RFX3: variants seen among roughly 807,000 people sequenced by gnomAD.
RFX3 encodes the protein regulatory factor X3.
Under a neutral mutation model 98.6 loss-of-function variants are expected in RFX3, and 14 were observed. The observed-to-expected ratio is 0.14, with a 90% confidence interval of 0.09 to 0.22. RFX3 has a LOEUF of 0.22. RFX3 is among the 10% of genes least tolerant of loss of function. The pLI is 1.00. For missense variants in RFX3, 639 were observed against 926.9 expected (o/e 0.69, Z 4.03); for synonymous variants, 383 against 328.4 (o/e 1.17, Z -1.80).
At chr9:3,480,281 T>A (rs934064117) in intron 1 of RFX3, among the ~76,000 whole-genome samples, 2 of 152,222 alleles carry the variant, frequency 1.3e-5, no homozygotes, top group Non-Finnish European at 2.9e-5. Flanking sequence ...TCTCTCTCCA[T>A]GTAATCTCAG....
intron 1 of RFX3, among the ~76,000 whole-genome samples, chr9:3,430,034 A>G (rs531107312): frequency 6.6e-6 from 1 of 152,336 alleles, no homozygotes; most frequent in South Asian, 2.1e-4. Flanking sequence ...GTTACTTATC[A>G]GTCATAGCTG....
At chr9:3,279,209 C>A (rs558789308) in intron 7 of RFX3, among the ~76,000 whole-genome samples, 1 of 151,778 alleles carries the variant, frequency 6.6e-6, no homozygotes, top group Admixed American at 6.6e-5. Flanking sequence ...ATGATTTTAA[C>A]CTTATTTTGT....
chr9:3,457,291 T>A (rs1244143918), intron 1 of RFX3, among the ~76,000 whole-genome samples: 1 of 152,076 alleles, frequency 6.6e-6, no homozygotes, highest in Non-Finnish European at 1.5e-5. Flanking sequence ...TTTTCTGGCA[T>A]CTCTGTTACT....
intron 2 of RFX3, among the ~76,000 whole-genome samples, chr9:3,366,788 G>A (rs535356330): frequency 1.3e-4 from 16 of 125,582 alleles, no homozygotes; most frequent in African/African-American, 4.7e-4. Context: ...AAGTCATCTG[G>A]GTGTTTCAGT....
chr9:3,238,117 T>A (rs1819422401), intron 15 of RFX3, among the ~76,000 whole-genome samples: 1 of 152,236 alleles, frequency 6.6e-6, no homozygotes, highest in South Asian at 2.1e-4. Context: ...GCTTCTACCG[T>A]GTCACATTAT....
At chr9:3,363,918 C>G (rs2920357) in intron 2 of RFX3, among the ~76,000 whole-genome samples, 9 of 152,376 alleles carry the variant, frequency 5.9e-5, no homozygotes, top group African/African-American at 2.2e-4. Flanking sequence ...CTTTGTCACC[C>G]AGGCTGGAGT....
intron 1 of RFX3, among the ~76,000 whole-genome samples, chr9:3,464,912 A>T (rs945373112): frequency 6.8e-6 from 1 of 147,220 alleles, no homozygotes; most frequent in African/African-American, 2.5e-5. Flanking sequence ...GTAAATACTT[A>T]AAAAAAAAAA....
chr9:3,496,022 G>A (rs1171091096), intron 1 of RFX3, among the ~76,000 whole-genome samples: 1 of 151,930 alleles, frequency 6.6e-6, no homozygotes, highest in Non-Finnish European at 1.5e-5. Context: ...AAACTTTTAT[G>A]TGACTCCACT....
intron 1 of RFX3, among the ~76,000 whole-genome samples, chr9:3,426,960 G>C (rs954688706): frequency 6.6e-6 from 1 of 151,966 alleles, no homozygotes; most frequent in African/African-American, 2.4e-5. Flanking sequence ...GTGCCAAAAA[G>C]GTTGGGGACC....
chr9:3,456,004 G>C (rs1037641666), intron 1 of RFX3, among the ~76,000 whole-genome samples: 7 of 152,216 alleles, frequency 4.6e-5, no homozygotes, highest in African/African-American at 1.7e-4. Flanking sequence ...CGGCAGATTT[G>C]GTTGTCTGGT....
intron 1 of RFX3, among the ~76,000 whole-genome samples, chr9:3,504,959 A>ATAATATATCT (rs1816753954): frequency 3.4e-5 from 2 of 59,608 alleles, no homozygotes; most frequent in African/African-American, 2.0e-4. Flanking sequence ...AATATATATT[A>ATAATATATCT]TATATAATAT....
intron 1 of RFX3, among the ~76,000 whole-genome samples, chr9:3,461,033 T>C (rs1475060149): frequency 4.0e-5 from 6 of 151,358 alleles, no homozygotes; most frequent in Non-Finnish European, 8.9e-5. Flanking sequence ...CATTTTAACA[T>C]TCATCGCTGA....
chr9:3,488,639 T>C (rs1261094977), intron 1 of RFX3: 1 of 223,832 alleles, frequency 4.5e-6, no homozygotes, highest in Non-Finnish European at 7.5e-6. Flanking sequence ...CTTCTATACA[T>C]AAATGCAATT....
chr9:3,524,870 CA>C (rs1564205470), intron 1 of RFX3, among the ~76,000 whole-genome samples: 3,023 of 124,266 alleles, frequency 0.024, 50 homozygotes, highest in African/African-American at 0.059. Context: ...CACACACACA[CA>C]CACACACCAA....
chr9:3,369,838 T>C (rs1837604523), intron 2 of RFX3, among the ~76,000 whole-genome samples: 3 of 152,112 alleles, frequency 2.0e-5, no homozygotes, highest in Admixed American at 2.0e-4. Flanking sequence ...TTTTGTTTGT[T>C]TGTTTGTTTG....
intron 2 of RFX3, among the ~76,000 whole-genome samples, chr9:3,347,582 G>C (rs2131176655): frequency 6.6e-6 from 1 of 152,216 alleles, no homozygotes; most frequent in East Asian, 1.9e-4. Flanking sequence ...CCAGCACTTT[G>C]GGAAGTGAAG....
chr9:3,293,960 G>A (rs753264926), intron 5 of RFX3, among the ~76,000 whole-genome samples: 10 of 151,994 alleles, frequency 6.6e-5, no homozygotes, highest in Admixed American at 1.3e-4. Flanking sequence ...TATTCTGGAA[G>A]GCACACTGCA....
At chr9:3,379,982 A>G (rs535335101) in intron 2 of RFX3, among the ~76,000 whole-genome samples, 2 of 151,752 alleles carry the variant, frequency 1.3e-5, no homozygotes, top group Non-Finnish European at 2.9e-5. Context: ...GCTGGAGTAC[A>G]ATGGTGTGAT....
intron 1 of RFX3, among the ~76,000 whole-genome samples, chr9:3,397,382 A>C (rs2131967398): frequency 6.6e-6 from 1 of 152,348 alleles, no homozygotes; most frequent in Middle Eastern, 3.4e-3. Flanking sequence ...AATACAGTGA[A>C]CATTAATTTT....
Sources: allele counts gnomAD v4.1 joint callset (sites outside exome capture counted in the v4.1 genomes callset), GRCh38; gene constraint gnomAD v4.1.1; transcripts MANE v1.5; gene names NCBI Gene and HGNC (gene_info 2026-07-23, HGNC 2026-07-21).